RELN: variants seen among roughly 807,000 people sequenced by gnomAD.
RELN encodes the protein reelin.
A neutral mutation model predicts 427.6 loss-of-function variants in RELN; 108 were observed. The ratio of observed to expected loss-of-function variants is 0.25; its 90% CI spans 0.22 to 0.30. The LOEUF (loss-of-function observed/expected upper bound fraction) is 0.30. Among genes scored for constraint, RELN ranks in the 10% least tolerant of loss-of-function variants. The pLI is 1.00. For synonymous variants in RELN, 1,524 were observed against 1,513.4 expected, an observed-to-expected ratio of 1.01 and a Z score of -0.16; for missense variants, 3,715 against 4,302.8, an observed-to-expected ratio of 0.86 and a Z score of 3.82.
chr7:103,705,332 C>T (rs1834176899), intron 8 of RELN, among the ~76,000 whole-genome samples: 1 of 151,900 alleles, frequency 6.6e-6, no homozygotes, highest in South Asian at 2.1e-4. Context: ...CGAATGACAC[C>T]ACCCCAAATA....
Position 103,491,997 on chromosome 7 carries a change from A to G in RELN, c.9399T>C (p.Cys3133=), listed in dbSNP as rs752787017. Residue 3133 remains cysteine, a synonymous_variant, in exon 58 of 65, where the codon TGT becomes TGC. Coordinates refer to ENST00000428762, the MANE Select transcript of RELN (RefSeq NM_005045.4). ...KIVVGCEATS[C]GDLHSVMLEY... is the part of the protein sequence containing the mutation. The stretch of plus-strand genomic sequence containing the variant: ...CCAGCATTACGGAATGAAGGTCACC[A>G]CAAGAAGTGGCTTCACAACCCACCA... 1.2e-6 allele frequency: 2 copies of G among 1,613,576 alleles called. No homozygotes were observed. The highest frequency in any genetic ancestry group is 2.7e-5 in the African/African-American group (2 of 74,890).
At chr7:103,826,563 T>G (rs1793146299) in intron 3 of RELN, among the ~76,000 whole-genome samples, 1 of 152,028 alleles carries the variant, frequency 6.6e-6, no homozygotes. Context: ...GAGTTGTCGC[T>G]GCCATGGAAA....
rs930066379 is a variant in RELN at position 103,980,470 on chromosome 7, T to C, written c.226+8661A>G. Among the ~76,000 whole-genome samples the C allele has an allele frequency of 7.2e-5, 11 of 152,334 alleles. No individual in the cohort carries two copies. In the East Asian group the frequency reaches 1.2e-3, roughly 16 times the overall value. ...AATTAGCTTTTACTTTTCTTTGTTT[T>C]CTCATTTTTGAGATTAGTTTTATTA... On this transcript the variant is annotated intron_variant, in intron 1 of 64. Transcript: ENST00000428762.
intron 2 of RELN, among the ~76,000 whole-genome samples, chr7:103,904,966 A>G (rs967689138): frequency 2.2e-5 from 3 of 139,196 alleles, no homozygotes; most frequent in African/African-American, 5.4e-5. Flanking sequence ...AATCCCTTGA[A>G]GTTCTTTCCT....
At chr7:103,943,578 C>T (rs990089097) in intron 1 of RELN, among the ~76,000 whole-genome samples, 11 of 151,992 alleles carry the variant, frequency 7.2e-5, no homozygotes, top group Admixed American at 1.3e-4. Context: ...AGGCCAGGCA[C>T]GGTGGGTCCC....
chr7:103,694,835 T>C (rs1231719765), intron 10 of RELN, among the ~76,000 whole-genome samples: 1 of 140,556 alleles, frequency 7.1e-6, no homozygotes, highest in Admixed American at 7.0e-5. Context: ...AGTTTTTTTT[T>C]TTTAATTTTT....
intron 38 of RELN, among the ~76,000 whole-genome samples, chr7:103,556,168 T>C (rs1175727989): frequency 1.3e-5 from 2 of 152,232 alleles, no homozygotes; most frequent in Non-Finnish European, 2.9e-5. Flanking sequence ...ATATTTTATC[T>C]ACGGCACTAT....
At chr7:103,627,631 A>G (rs1832356502) in intron 20 of RELN, among the ~76,000 whole-genome samples, 1 of 152,186 alleles carries the variant, frequency 6.6e-6, no homozygotes, top group South Asian at 2.1e-4. Flanking sequence ...TTGTTTCATA[A>G]CCAAGACAAC....
chr7:103,761,631 G>A (rs188769556), intron 4 of RELN, among the ~76,000 whole-genome samples: 2 of 151,372 alleles, frequency 1.3e-5, no homozygotes, highest in Admixed American at 1.3e-4. Context: ...TTTTTTTTGG[G>A]GGGGGGTAGA....
intron 59 of RELN, 129 bp from the exon 60 acceptor site, chr7:103,490,028 C>T (rs1233124961): frequency 9.5e-7 from 1 of 1,051,904 alleles, no homozygotes; most frequent in Non-Finnish European, 1.4e-6. Flanking sequence ...CCTGAAGCAC[C>T]CTGCTGGCAG....
At chr7:103,588,340 AC>A (rs146958010) in intron 28 of RELN, among the ~76,000 whole-genome samples, 16,209 of 152,114 alleles carry the variant, frequency 0.11, 960 homozygotes, top group Middle Eastern at 0.2. Context: ...TGTTTTTCAT[AC>A]ATGGAGATAG....
intron 3 of RELN, among the ~76,000 whole-genome samples, chr7:103,781,599 T>A (rs780136360): frequency 1.1e-4 from 17 of 152,156 alleles, no homozygotes; most frequent in Non-Finnish European, 2.2e-4. Flanking sequence ...GCAATAGATA[T>A]CTTGAACTTA....
chr7:103,587,306 C>T (rs1355537756), intron 28 of RELN, among the ~76,000 whole-genome samples: 2 of 152,138 alleles, frequency 1.3e-5, no homozygotes, highest in Admixed American at 6.5e-5. Flanking sequence ...ATAAATGGTG[C>T]TGGGAAAATT....
At position 103,651,699 on chromosome 7, in the gene RELN, G is replaced by A. The variant is rs1238947403; in HGVS notation, c.1854C>T (p.Leu618=). 1 of 1,611,970 alleles carries A rather than the reference G, an allele frequency of 6.2e-7. No homozygotes were observed. Among genetic ancestry groups the A allele is most frequent in the Non-Finnish European group, 8.5e-7 (1 of 1,178,644 alleles). Residue 618 remains leucine (L), a synonymous_variant, in exon 15 of 65, where the codon CTC becomes CTT. Coordinates refer to ENST00000428762, the MANE Select transcript of RELN (RefSeq NM_005045.4). ...CLPEICAGPH[L]PHSTVYSSEN... is the part of the protein sequence containing the mutation. ...CAGAGGAGTAGACAGTGCTGTGGGG[G>A]AGGTGGGGTCCAGCACAGATCTCAG...
intron 1 of RELN, among the ~76,000 whole-genome samples, chr7:103,940,537 C>T (rs1202255141): frequency 6.6e-6 from 1 of 152,184 alleles, no homozygotes; most frequent in Non-Finnish European, 1.5e-5. Context: ...TTGCGACTAT[C>T]TCTGCTGTCC....
rs1418612011 is a variant in RELN at position 103,569,356 on chromosome 7, C to A, written c.4589-2597G>T. Among the ~76,000 whole-genome samples the A allele has an allele frequency of 3.3e-5, 5 of 152,196 alleles. No homozygotes were observed. Among genetic ancestry groups the A allele is most frequent in the Non-Finnish European group, 1.5e-5 (1 of 68,036 alleles). On this transcript the variant is annotated intron_variant, in intron 31 of 64. Coordinates refer to ENST00000428762, the MANE Select transcript of RELN (RefSeq NM_005045.4). This position sits in a 1 kb window ranked among gnomAD's most constrained non-coding sequence, Gnocchi z 4.0. ...CCCCTCCTGGCTTTTGTCCTGACTG[C>A]AACCTCACCAGAGACCCTGGGCCAG...
chr7:103,530,321 C>G (rs533796876), intron 46 of RELN, among the ~76,000 whole-genome samples: 1 of 152,162 alleles, frequency 6.6e-6, no homozygotes, highest in Non-Finnish European at 1.5e-5. Flanking sequence ...ATGTATGTAA[C>G]GGAGAAGGAG....
chr7:103,784,068 C>T (rs1048310606), intron 3 of RELN, among the ~76,000 whole-genome samples: 1 of 152,140 alleles, frequency 6.6e-6, no homozygotes, highest in African/African-American at 2.4e-5. Flanking sequence ...AAGATACCCA[C>T]AAGCAGATTA....
At chr7:103,872,712 C>T (rs993880505) in intron 2 of RELN, among the ~76,000 whole-genome samples, 1 of 147,802 alleles carries the variant, frequency 6.8e-6, no homozygotes, top group African/African-American at 2.4e-5. Flanking sequence ...TCTCCACATC[C>T]TCTCCAGCAC....
Sources: gnomAD v4.1 joint callset for allele counts (sites outside exome capture counted in the v4.1 genomes callset) on GRCh38, gnomAD v4.1.1 for gene constraint, Gnocchi (gnomAD v3.1) non-coding constraint, MANE v1.5 for transcripts, NCBI Gene and HGNC (gene_info 2026-07-23, HGNC 2026-07-21) for gene names.